MYO9A: variants seen among roughly 807,000 people sequenced by gnomAD.
MYO9A encodes the protein myosin IXA, also known as unconventional myosin-IXa.
A neutral mutation model predicts 293.3 loss-of-function variants in MYO9A; 103 were observed. The ratio of observed to expected loss-of-function variants is 0.35; its 90% CI spans 0.30 to 0.41. The LOEUF (loss-of-function observed/expected upper bound fraction) is 0.41, where lower values mean the gene tolerates loss of function less well. Among genes scored for constraint, MYO9A ranks in the 10% least tolerant of loss-of-function variants. The pLI is 1.00. For missense variants in MYO9A, 2,685 were observed against 3,033.0 expected (o/e 0.89, Z 2.69); for synonymous variants, 1,001 against 1,035.7 (o/e 0.97, Z 0.64).
At chr15:72,005,513 C>T (rs1237557019) in intron 8 of MYO9A, among the ~76,000 whole-genome samples, 1 of 152,134 alleles carries the variant, frequency 6.6e-6, no homozygotes, top group African/African-American at 2.4e-5. Context: ...GACTAAAATG[C>T]CATCTGTTCT....
chr15:72,101,556 G>A (rs1486960418), intron 1 of MYO9A, among the ~76,000 whole-genome samples: 6 of 131,724 alleles, frequency 4.6e-5, no homozygotes, highest in African/African-American at 5.7e-5. Context: ...CCGTCCGGGA[G>A]GTGAGGGGCG....
chr15:71,982,771 G>GT (rs1567345466), intron 11 of MYO9A, among the ~76,000 whole-genome samples: 1 of 152,110 alleles, frequency 6.6e-6, no homozygotes, highest in East Asian at 1.9e-4. Flanking sequence ...CACTATGATG[G>GT]TAAATATATT....
At position 71,912,394 on chromosome 15, in the gene MYO9A, TAC is replaced by T. The variant is rs1405480434; in HGVS notation, c.2685+3974_2685+3975del. On this transcript the variant is annotated intron_variant, in intron 19 of 41. Transcript: ENST00000356056. Reference sequence around the variant, plus strand: ...CCTCAGCCTCCCAAGTAGCTGGGATTACAGGCGCCCATCGCCATGCCTGGCTA... The same window carrying T: ...CCTCAGCCTCCCAAGTAGCTGGGATTAGGCGCCCATCGCCATGCCTGGCTA... 4.6e-5 allele frequency among the ~76,000 whole-genome samples: 7 copies of T among 152,230 alleles called. No individual in the cohort carries two copies. The East Asian group carries it at 9.7e-4, about 21-fold the overall frequency.
intron 1 of MYO9A, among the ~76,000 whole-genome samples, chr15:72,074,976 T>C (rs2079303427): frequency 7.0e-6 from 1 of 143,086 alleles, no homozygotes; most frequent in African/African-American, 2.6e-5. Flanking sequence ...TTTTTTTTTT[T>C]TTCTTGAGAC....
At position 72,046,452 on chromosome 15, in the gene MYO9A, T is replaced by C; in HGVS notation, c.112A>G (p.Lys38Glu). The C allele has an allele frequency of 1.9e-6, 3 of 1,614,224 alleles. No homozygotes were observed. Among genetic ancestry groups the C allele is most frequent in the Non-Finnish European group, 2.5e-6 (3 of 1,180,038 alleles). Residue 38 changes from lysine (K) to glutamate (E), a missense_variant, in exon 2 of 42, where the codon AAA (lysine) becomes GAA (glutamate). This residue lies in a region of MYO9A where 67 missense variants were observed against 63.2 expected (regional missense o/e 1.06). Transcript: ENST00000356056. ...ATCACCTCAGCAGCTGTGGAGTTTT[T>C]TCTGGCAGGAATCGGACAGTAGATT... ...GTIYCPIPAR[K>E]NSTAAEVIES...
At chr15:71,967,953 T>G in intron 13 of MYO9A, 31 bp downstream of exon 13, 1 of 1,586,444 alleles carries the variant, frequency 6.3e-7, no homozygotes, top group Non-Finnish European at 8.6e-7. Context: ...ATCTCTGCCC[T>G]GTAAGCATAT....
At chr15:72,086,923 C>T (rs2079755311) in intron 1 of MYO9A, among the ~76,000 whole-genome samples, 1 of 152,106 alleles carries the variant, frequency 6.6e-6, no homozygotes, top group Non-Finnish European at 1.5e-5. Flanking sequence ...ATGCACCACA[C>T]ACCCAGCTAA....
chr15:71,980,893 C>T (rs1481355166), intron 11 of MYO9A, among the ~76,000 whole-genome samples: 2 of 152,106 alleles, frequency 1.3e-5, no homozygotes, highest in East Asian at 1.9e-4. Context: ...TTGCCTTGTT[C>T]TTAGTCTCAG....
At chr15:71,943,567 T>C (rs925838621) in intron 15 of MYO9A, among the ~76,000 whole-genome samples, 2 of 152,106 alleles carry the variant, frequency 1.3e-5, no homozygotes, top group South Asian at 2.1e-4. Flanking sequence ...TAAACATATA[T>C]ATGTTAAATG....
intron 13 of MYO9A, 86 bp from the exon 14 acceptor site, chr15:71,960,182 T>C: frequency 8.4e-7 from 1 of 1,185,354 alleles, no homozygotes; most frequent in Non-Finnish European, 1.2e-6. Context: ...TTTGGATGCT[T>C]GTCCCTCCAA....
intron 15 of MYO9A, among the ~76,000 whole-genome samples, chr15:71,941,299 G>A (rs563972133): frequency 1.3e-5 from 2 of 152,252 alleles, no homozygotes; most frequent in African/African-American, 2.4e-5. Flanking sequence ...GCCCGGCATG[G>A]TGGCACACAC....
At chr15:72,082,021 T>C (rs1378099496) in intron 1 of MYO9A, among the ~76,000 whole-genome samples, 1 of 152,202 alleles carries the variant, frequency 6.6e-6, no homozygotes, top group Non-Finnish European at 1.5e-5. Context: ...TGGGCTCTTT[T>C]TTGGTTCCAT....
chr15:72,030,668 C>T (rs1029649532), intron 3 of MYO9A, among the ~76,000 whole-genome samples: 20 of 152,148 alleles, frequency 1.3e-4, no homozygotes, highest in African/African-American at 3.9e-4. Flanking sequence ...GGTCCACAGG[C>T]ACGTGCCACC....
intron 22 of MYO9A, 71 bp downstream of exon 22, chr15:71,902,870 C>G: frequency 8.2e-7 from 1 of 1,223,960 alleles, no homozygotes; most frequent in Non-Finnish European, 1.1e-6. Flanking sequence ...TAAACAATCT[C>G]ATAGGCAAAA....
At chr15:72,012,322 T>A (rs187834244) in intron 6 of MYO9A, among the ~76,000 whole-genome samples, 3 of 152,002 alleles carry the variant, frequency 2.0e-5, no homozygotes, top group Non-Finnish European at 2.9e-5. Context: ...TGAGATGGAG[T>A]GTCGCACTTG....
At chr15:72,034,085 G>A (rs1050659174) in intron 2 of MYO9A, among the ~76,000 whole-genome samples, 4 of 152,148 alleles carry the variant, frequency 2.6e-5, no homozygotes, top group East Asian at 3.8e-4. Flanking sequence ...AAGACAAGGC[G>A]AGGACGTCAA....
At chr15:71,959,300 A>C (rs2059271297) in intron 14 of MYO9A, 1 of 152,284 alleles carries the variant, frequency 6.6e-6, no homozygotes, top group African/African-American at 2.4e-5. Context: ...GCTAAACTTA[A>C]AAGTTTTACT....
At chr15:72,091,721 T>C (rs1431750990) in intron 1 of MYO9A, among the ~76,000 whole-genome samples, 6 of 151,072 alleles carry the variant, frequency 4.0e-5, no homozygotes. Flanking sequence ...TTTTTTCTTT[T>C]TTTTTTTTTT....
At chr15:72,100,574 C>T (rs1039498824) in intron 1 of MYO9A, among the ~76,000 whole-genome samples, 1 of 151,716 alleles carries the variant, frequency 6.6e-6, no homozygotes, top group African/African-American at 2.4e-5. Flanking sequence ...TGCCCGGCCG[C>T]CCATCATCTG....
Sources: allele counts gnomAD v4.1 joint callset (sites outside exome capture counted in the v4.1 genomes callset), GRCh38; gene constraint gnomAD v4.1.1; regional missense constraint gnomAD v4.1.1; transcripts MANE v1.5; gene names NCBI Gene and HGNC (gene_info 2026-07-23, HGNC 2026-07-21).